Variants in CDH5 observed in about 807,000 individuals in gnomAD.
The protein encoded by CDH5 is cadherin 5.
Under a neutral mutation model 62.0 loss-of-function variants are expected in CDH5, and 28 were observed. The ratio of observed to expected loss-of-function variants is 0.45; its 90% CI spans 0.33 to 0.62. The LOEUF is 0.62. Among genes scored for constraint, CDH5 ranks in the 20% least tolerant of loss-of-function variants. The pLI is 0.02. For missense variants in CDH5, 940 were observed against 1,065.1 expected (o/e 0.88, Z 1.63); for synonymous variants, 464 against 445.8 (o/e 1.04, Z -0.52).
intron 5 of CDH5, 151 bp downstream of exon 5, chr16:66,389,673 A>T: frequency 3.2e-6 from 2 of 621,996 alleles, no homozygotes; most frequent in Non-Finnish European, 5.2e-6. Flanking sequence ...GGGTGAAGGG[A>T]GGGGCCCTGC....
rs1484429470 is a variant in CDH5, at chr16:66,388,428, A to G, written c.604A>G (p.Ile202Val). 1.2e-6 allele frequency: 2 copies of G among 1,607,592 alleles called. No individual in the cohort carries two copies. Among genetic ancestry groups the G allele is most frequent in the Non-Finnish European group, 1.7e-6 (2 of 1,174,156 alleles). The change falls in exon 4 of 12, where the codon ATC (isoleucine) becomes GTC (valine). Residue 202 changes from isoleucine to valine, a missense_variant. Coordinates refer to ENST00000341529, the MANE Select transcript of CDH5 (RefSeq NM_001795.5). ...CCTGAAGGGGAAAGAGTATTTTGCC[A>G]TCGATAATTCTGGTCTGTGTGACTA... is the stretch of plus-strand genomic sequence containing the variant. The part of the protein sequence containing the change: ...QILKGKEYFA[I>V]DNSGRIITIT...
In CDH5 at chr16:66,367,245, C is replaced by T. The variant is rs1008688804; in HGVS notation, c.-20+487C>T. Among the ~76,000 whole-genome samples the T allele has an allele frequency of 6.6e-5, 10 of 152,326 alleles. 1 individual carries two copies. Among genetic ancestry groups the T allele is most frequent in the South Asian group, 6.2e-4 (3 of 4,822 alleles). ...TCTATGCTGGGATCTGGGGAGGGGC[C>T]CTGAAAAGGAAGCTCCGAGCCTTGG... On this transcript the variant is annotated intron_variant, in intron 1 of 11. Transcript: ENST00000341529.
At chr16:66,366,825 C>A (rs1239971093) in intron 1 of CDH5, 67 bp downstream of exon 1, 1 of 152,322 alleles carries the variant, frequency 6.6e-6, no homozygotes, top group Non-Finnish European at 1.5e-5. Context: ...ATGGGAGGGT[C>A]CTCAGCTTCC....
chr16:66,404,183 C>A lies in CDH5; in HGVS notation c.*1014C>A, dbSNP rs1342013727. The A allele has an allele frequency of 6.5e-6, 1 of 152,742 alleles. No homozygotes were observed. Among genetic ancestry groups the A allele is most frequent in the Non-Finnish European group, 1.5e-5 (1 of 68,086 alleles). 9.5% of individuals were successfully genotyped at this position (152,742 alleles called of 1,614,324 possible). ...GGCCTTTAGCAAAACTGGACAATGT[C>A]CAAACCCACTCATGACTGCATGACG... On this transcript the variant is annotated 3_prime_UTR_variant, in exon 12 of 12. Coordinates refer to ENST00000341529, the MANE Select transcript of CDH5 (RefSeq NM_001795.5).
At chr16:66,388,822 C>T (rs1961030906) in intron 4 of CDH5, among the ~76,000 whole-genome samples, 1 of 152,188 alleles carries the variant, frequency 6.6e-6, no homozygotes, top group Non-Finnish European at 1.5e-5. Flanking sequence ...TTCTGCAAGC[C>T]TTAGTTCCCT....
At chr16:66,370,509 C>T (rs368762258) in intron 1 of CDH5, among the ~76,000 whole-genome samples, 2 of 152,246 alleles carry the variant, frequency 1.3e-5, no homozygotes, top group South Asian at 2.1e-4. Flanking sequence ...GTTTCTAAAT[C>T]CTGTGAGTGG....
At position 66,402,967 on chromosome 16, in the gene CDH5, A is replaced by ACGACGG; in HGVS notation, c.2161_2166dup (p.Asp721_Gly722dup). 2 of 1,613,026 alleles carry ACGACGG rather than the reference A, an allele frequency of 1.2e-6. No homozygotes were observed. The highest frequency in any genetic ancestry group is 1.7e-6 in the Non-Finnish European group (2 of 1,179,930). ...GAGGTGAAGAAGGACGAGGCGGACCACGACGGCGACGGCCCCCCCTACGAC... is the reference window on the plus strand; with the variant it reads ...GAGGTGAAGAAGGACGAGGCGGACCACGACGGCGACGGCGACGGCCCCCCCTACGAC... On this transcript the variant is annotated inframe_insertion, in exon 12 of 12. Transcript: ENST00000341529.
At chr16:66,376,488 A>C (rs1960789501) in intron 1 of CDH5, 1 of 152,228 alleles carries the variant, frequency 6.6e-6, no homozygotes, top group African/African-American at 2.4e-5. Context: ...CAGGAAACAG[A>C]GCGAACCCTG....
At chr16:66,382,215 T>C (rs895117340) in intron 2 of CDH5, among the ~76,000 whole-genome samples, 2 of 152,208 alleles carry the variant, frequency 1.3e-5, no homozygotes, top group African/African-American at 2.4e-5. Context: ...GAAAGATCTG[T>C]GTAGCATCTG....
intron 2 of CDH5, 61 bp downstream of exon 2, chr16:66,379,608 T>TG: frequency 6.9e-7 from 1 of 1,447,908 alleles, no homozygotes; most frequent in South Asian, 1.1e-5. Flanking sequence ...TGACAAGTGG[T>TG]GGTGGTGATG....
intron 2 of CDH5, among the ~76,000 whole-genome samples, chr16:66,384,661 CAAAA>C (rs10630303): frequency 3.0e-5 from 3 of 101,592 alleles, no homozygotes; most frequent in Admixed American, 1.1e-4. Context: ...GTACCTGTCT[CAAAA>C]AAAAAAAAAA....
intron 2 of CDH5, among the ~76,000 whole-genome samples, chr16:66,384,385 T>G (rs979982059): frequency 2.0e-5 from 3 of 150,182 alleles, no homozygotes; most frequent in African/African-American, 7.3e-5. Context: ...TGAGCCACCA[T>G]GCCCCCCGAG....
chr16:66,390,131 G>A (rs1189660751), intron 5 of CDH5, among the ~76,000 whole-genome samples: 1 of 152,198 alleles, frequency 6.6e-6, no homozygotes, highest in Non-Finnish European at 1.5e-5. Flanking sequence ...CTGAAGGCAG[G>A]ACTTGTCTCT....
chr16:66,379,970 GTGT>G, intron 2 of CDH5, among the ~76,000 whole-genome samples: 3 of 49,520 alleles, frequency 6.1e-5, no homozygotes, highest in Non-Finnish European at 4.7e-5. Context: ...AAAGGGGTAG[GTGT>G]TGGTGGTGAT....
chr16:66,388,586 C>T (rs547694961), intron 4 of CDH5, 146 bp downstream of exon 4: 18 of 628,656 alleles, frequency 2.9e-5, no homozygotes, highest in Non-Finnish European at 4.5e-5. Flanking sequence ...TAGTCAGTAT[C>T]ATATGTAAAG....
chr16:66,378,411 A>G (rs1960822206), intron 1 of CDH5, among the ~76,000 whole-genome samples: 1 of 152,226 alleles, frequency 6.6e-6, no homozygotes, highest in African/African-American at 2.4e-5. Context: ...AATGAGGGTT[A>G]TAATTACACC....
Position 66,389,478 on chromosome 16 carries a change from T to C in CDH5, c.737T>C (p.Val246Ala). 1.2e-6 allele frequency: 2 copies of C among 1,611,912 alleles called. No homozygotes were observed. Among genetic ancestry groups the C allele is most frequent in the Non-Finnish European group, 1.7e-6 (2 of 1,178,786 alleles). The change falls in exon 5 of 12, where the codon GTC (valine) becomes GCC (alanine). Residue 246 changes from valine to alanine, a missense_variant. Val to Ala is a moderately conservative substitution (Grantham distance 64). Coordinates refer to ENST00000341529, the MANE Select transcript of CDH5 (RefSeq NM_001795.5). ...RGDSGTATVLVTLQDINDNFP... is the reference protein window; with the variant it reads ...RGDSGTATVLATLQDINDNFP... ...GACTCGGGCACGGCCACCGTGCTGG[T>C]CACTCTGCAAGACATCAATGACAAC...
rs1285490935 is a variant in CDH5, at chr16:66,404,618, A to G, written c.*1449A>G. On this transcript the variant is annotated 3_prime_UTR_variant, in exon 12 of 12. Coordinates refer to ENST00000341529, the MANE Select transcript of CDH5 (RefSeq NM_001795.5). ...TAAGCAGGTTGTTATTTAGGTTAAC[A>G]ATATTAATTCAGGTTTTTTAGTTGG... The G allele has an allele frequency of 6.6e-6, 1 of 152,516 alleles. No individual in the cohort carries two copies. The highest frequency in any genetic ancestry group is 2.4e-5 in the African/African-American group (1 of 41,472). The allele number at this position is 152,516 out of a possible 1,614,324, so 9.4% of individuals were successfully genotyped here.
intron 8 of CDH5, 32 bp from the exon 9 acceptor site, chr16:66,397,950 G>T: frequency 6.2e-7 from 1 of 1,613,912 alleles, no homozygotes; most frequent in Non-Finnish European, 8.5e-7. Context: ...CATCAGCTGA[G>T]CCCATAATGG....
Sources: allele counts gnomAD v4.1 joint callset (sites outside exome capture counted in the v4.1 genomes callset), GRCh38; gene constraint gnomAD v4.1.1; transcripts MANE v1.5; gene names NCBI Gene and HGNC (gene_info 2026-07-23, HGNC 2026-07-21).